Variants in NEB observed in about 807,000 individuals in gnomAD.
The protein encoded by NEB is nebulin.
Under a neutral mutation model 952.2 loss-of-function variants are expected in NEB, and 512 were observed. The observed-to-expected ratio is 0.54, with a 90% CI of 0.50 to 0.58. The LOEUF (loss-of-function observed/expected upper bound fraction) is 0.58. NEB is among the 20% of genes least tolerant of loss of function. The pLI is 0.00. For missense variants in NEB, 8,428 were observed against 9,231.1 expected (o/e 0.91, Z 3.56); for synonymous variants, 2,900 against 3,149.8 (o/e 0.92, Z 2.66).
At position 151,534,983 on chromosome 2, in the gene NEB, G is replaced by A. The variant is rs138605836; in HGVS notation, c.21312+708C>T. On this transcript the variant is annotated intron_variant, in intron 142 of 181. Transcript: ENST00000397345. Reference sequence around the variant, plus strand: ...AGAAATATTGTACTAATTTTCTCACGGAATTTTTGAACTTACAGAAACTGT... The same window carrying A: ...AGAAATATTGTACTAATTTTCTCACAGAATTTTTGAACTTACAGAAACTGT... Among the ~76,000 whole-genome samples the A allele has an allele frequency of 2.2e-3, 337 of 152,164 alleles. 1 individual carries two copies. The highest frequency in any genetic ancestry group is 6.9e-3 in the African/African-American group (287 of 41,518).
intron 17 of NEB, 150 bp from the exon 18 acceptor site, chr2:151,695,832 G>C (rs994461795): frequency 3.7e-5 from 24 of 641,314 alleles, no homozygotes; most frequent in Non-Finnish European, 5.8e-5. Context: ...TACTGATCCT[G>C]TGTGCAGGAC....
rs1365321582 is a variant in NEB, at chr2:151,499,306, A to G, written c.24106T>C (p.Phe8036Leu). 4.7e-6 allele frequency: 7 copies of G among 1,500,616 alleles called. No homozygotes were observed. In the East Asian group the frequency reaches 1.7e-4, roughly 37 times the overall value. 93.0% of individuals were successfully genotyped at this position (1,500,616 alleles called of 1,614,324 possible). A position where few individuals can be genotyped will look rare whatever the true frequency, so the allele number is the denominator to read the frequency against. ...TTTTTATTTTTAAATACCGAACTAA[A>G]GTTTTCTTGATTGTGTTTGACTCTC... Reference protein sequence around the residue: ...MERVKHNQENFSSVLYKENLG... With the variant: ...MERVKHNQENLSSVLYKENLG... The change falls in exon 169 of 182, where the codon TTT (phenylalanine) becomes CTT (leucine). Residue 8036 changes from phenylalanine to leucine, a missense_variant. Physicochemically the swap from Phe to Leu is conservative, Grantham distance 22. This residue lies in a region of NEB where 3,374 missense variants were observed against 3,651.5 expected (regional missense o/e 0.92). Coordinates refer to ENST00000397345, the MANE Select transcript of NEB (RefSeq NM_001164508.2).
intron 28 of NEB, 134 bp from the exon 29 acceptor site, chr2:151,682,903 A>T (rs548491801): frequency 1.4e-6 from 1 of 719,168 alleles, no homozygotes; most frequent in African/African-American, 1.8e-5. Context: ...AGGTTATTTT[A>T]TATATTTCTT....
At chr2:151,493,520 T>TA in intron 175 of NEB, 75 bp from the exon 176 acceptor site, 2 of 967,894 alleles carry the variant, frequency 2.1e-6, no homozygotes, top group East Asian at 4.9e-5. Context: ...TAGCTGGTGT[T>TA]ATGGCTCATG....
At position 151,570,524 on chromosome 2, in the gene NEB, G is replaced by T. The variant is rs2153764198; in HGVS notation, c.17091C>A (p.Ala5697=). Residue 5697 remains alanine, a synonymous_variant, in exon 108 of 182, where the codon GCC becomes GCA. Transcript: ENST00000397345. The stretch of plus-strand genomic sequence containing the variant: ...CACTGGCAATCTCCCTGGAGGCCTT[G>T]GCAGCCTGGATGGGGATGGCATCCA... ...VRLDAIPIQA[A]KASREIASDY... 1 of 1,611,554 alleles carries T rather than the reference G, an allele frequency of 6.2e-7. No individual in the cohort carries two copies. The highest frequency in any genetic ancestry group is 8.5e-7 in the Non-Finnish European group (1 of 1,179,048).
chr2:151,691,263 C>T (rs1225096534), intron 23 of NEB, among the ~76,000 whole-genome samples: 2 of 152,164 alleles, frequency 1.3e-5, no homozygotes, highest in Non-Finnish European at 2.9e-5. Flanking sequence ...TCTCCTTAGG[C>T]CGTTCTTCCC....
chr2:151,633,990 G>T, intron 64 of NEB, 25 bp from the exon 65 acceptor site: 1 of 1,602,380 alleles, frequency 6.2e-7, no homozygotes, highest in Non-Finnish European at 8.5e-7. Flanking sequence ...CACAAATCAG[G>T]TTTTTATTGT....
Position 151,553,414 on chromosome 2 carries a change from T to C in NEB, c.19715A>G (p.Tyr6572Cys), listed in dbSNP as rs1394557648. 2 of 1,612,760 alleles carry C rather than the reference T, an allele frequency of 1.2e-6. No individual in the cohort carries two copies. Among genetic ancestry groups the C allele is most frequent in the African/African-American group, 2.7e-5 (2 of 74,896 alleles). ...TPEILHAKHA[Y>C]DLRDDIKYKA... is the part of the protein sequence containing the mutation. ...CAAACTCACATCATCACGTAGATCA[T>C]AAGCATGCTTGGCATGGAGGATTTC... Residue 6572 changes from tyrosine (Y) to cysteine (C), a missense_variant, in exon 127 of 182, where the codon TAT becomes TGT. Tyr to Cys is a radical substitution (Grantham distance 194). Around this residue, in one of 11 missense-constraint regions of NEB, gnomAD observed 3,374 missense variants for 3,651.5 expected, o/e 0.92. Coordinates refer to ENST00000397345, the MANE Select transcript of NEB (RefSeq NM_001164508.2).
At chr2:151,505,890 C>A in intron 164 of NEB, 1 of 544,360 alleles carries the variant, frequency 1.8e-6, no homozygotes, top group Non-Finnish European at 3.3e-6. Context: ...GATTGACATA[C>A]ATATATCCAG....
At chr2:151,627,968 C>A in intron 68 of NEB, 134 bp from the exon 69 acceptor site, 1 of 1,214,204 alleles carries the variant, frequency 8.2e-7, no homozygotes, top group Non-Finnish European at 1.1e-6. Flanking sequence ...CAGTTTATCT[C>A]CTCATCCTAA....
At chr2:151,666,840 G>A (rs1192316081) in intron 40 of NEB, among the ~76,000 whole-genome samples, 3 of 151,978 alleles carry the variant, frequency 2.0e-5, no homozygotes, top group South Asian at 2.1e-4. Context: ...AGGATTAGAC[G>A]TGTGAGCCAC....
At position 151,692,532 on chromosome 2, in the gene NEB, C is replaced by CT. The variant is rs2099564903; in HGVS notation, c.1897-171dup. On this transcript the variant is annotated intron_variant, in intron 20 of 181. Coordinates refer to ENST00000397345, the MANE Select transcript of NEB (RefSeq NM_001164508.2). ...GAATAGATGTGGTAGAGGCTCATGCCTTATATAATCTCATCTGCTAATAAT... is the reference window on the plus strand; with the variant it reads ...GAATAGATGTGGTAGAGGCTCATGCCTTTATATAATCTCATCTGCTAATAAT... 3.0e-5 allele frequency: 20 copies of CT among 659,872 alleles called. No individual in the cohort carries two copies. The Middle Eastern group carries it at 2.0e-3, about 65-fold the overall frequency. 40.9% of individuals were successfully genotyped at this position (659,872 alleles called of 1,614,324 possible). A position where few individuals can be genotyped will look rare whatever the true frequency, so the allele number is the denominator to read the frequency against.
rs778304731 is a variant in NEB, at chr2:151,563,649, G to T, written c.18650C>A (p.Pro6217His). ...GAAATCCAGACAGTGAACCACACCAGGGAATTCACCGATCACTTTTCCAGC... is the reference window on the plus strand; with the variant it reads ...GAAATCCAGACAGTGAACCACACCATGGAATTCACCGATCACTTTTCCAGC... ...YLAGKVIGEF[P>H]GVVHCLDFQK... Residue 6217 changes from proline to histidine, a missense_variant, in exon 119 of 182, where the codon CCT becomes CAT. Coordinates refer to ENST00000397345, the MANE Select transcript of NEB (RefSeq NM_001164508.2). The T allele has an allele frequency of 1.2e-6, 2 of 1,613,834 alleles. No individual in the cohort carries two copies. The highest frequency in any genetic ancestry group is 2.2e-5 in the South Asian group (2 of 91,070).
intron 75 of NEB, 134 bp downstream of exon 75, chr2:151,617,230 G>T: frequency 1.8e-6 from 1 of 554,462 alleles, no homozygotes; most frequent in Non-Finnish European, 3.1e-6. Context: ...TGAATCAAGT[G>T]AGAACTATCT....
chr2:151,660,627 GTA>G (rs1357184985), intron 46 of NEB, among the ~76,000 whole-genome samples: 3 of 152,126 alleles, frequency 2.0e-5, no homozygotes, highest in African/African-American at 7.2e-5. Context: ...AACTTTTTCT[GTA>G]TAGACAGAAA....
Position 151,546,004 on chromosome 2 carries a change from A to AC in NEB, c.20467-7_20467-6insG. 1 of 1,393,880 alleles carries AC rather than the reference A, an allele frequency of 7.2e-7. No homozygotes were observed. Among genetic ancestry groups the AC allele is most frequent in the Non-Finnish European group, 9.9e-7 (1 of 1,011,416 alleles). 86.3% of individuals were successfully genotyped at this position (1,393,880 alleles called of 1,614,324 possible). A position where few individuals can be genotyped will look rare whatever the true frequency, so the allele number is the denominator to read the frequency against. On this transcript the variant is annotated splice_polypyrimidine_tract_variant and splice_region_variant and intron_variant, in intron 134 of 181. Transcript: ENST00000397345. ...TCAGTGTATAGGTAATTAGACTTAA[A>AC]AAAAAAAAAAAAAACAGAAATACAA...
At chr2:151,611,794 G>A (rs562842160) in intron 78 of NEB, among the ~76,000 whole-genome samples, 1 of 152,320 alleles carries the variant, frequency 6.6e-6, no homozygotes, top group East Asian at 1.9e-4. Flanking sequence ...GAAACACTAT[G>A]TGTATCCCAG....
At position 151,723,425 on chromosome 2, in the gene NEB, G is replaced by C. The variant is rs770322824; in HGVS notation, c.674C>G (p.Pro225Arg). 6.2e-7 allele frequency: 1 copy of C among 1,610,148 alleles called. No homozygotes were observed. Among genetic ancestry groups the C allele is most frequent in the African/African-American group, 1.3e-5 (1 of 74,860 alleles). The change falls in exon 9 of 182, where the codon CCG (proline) becomes CGG (arginine). Residue 225 changes from proline to arginine, a missense_variant. Coordinates refer to ENST00000397345, the MANE Select transcript of NEB (RefSeq NM_001164508.2). ...KSLFYPYNDS[P>R]ELRRVAQAQK... ...GGCCTGGGCAACTCTCCTCAGTTCC[G>C]GGCTATCATTATAGGGGTAAAACAA...
rs2078816262 is a variant in NEB, at chr2:151,517,838, A to C, written c.22800+480T>G. Among the ~76,000 whole-genome samples the C allele has an allele frequency of 1.3e-5, 2 of 152,216 alleles. 1 individual carries two copies. The highest frequency in any genetic ancestry group is 2.9e-5 in the Non-Finnish European group (2 of 68,022). On this transcript the variant is annotated intron_variant, in intron 156 of 181. Coordinates refer to ENST00000397345, the MANE Select transcript of NEB (RefSeq NM_001164508.2). ...GGTAGCTCCATTATAATCTTATGGG[A>C]CCACTGTCATACAGGTGGTCTGCTG...
Sources: gnomAD v4.1 joint callset for allele counts (sites outside exome capture counted in the v4.1 genomes callset) on GRCh38, gnomAD v4.1.1 for gene constraint, gnomAD v4.1.1 regional missense constraint, MANE v1.5 for transcripts, NCBI Gene and HGNC (gene_info 2026-07-23, HGNC 2026-07-21) for gene names.